Variants in PDE10A observed in about 807,000 individuals in gnomAD.
PDE10A encodes the protein cAMP and cAMP-inhibited cGMP 3',5'-cyclic phosphodiesterase 10A.
In PDE10A, 39 loss-of-function variants were observed where a neutral mutation model predicts 97.7. The observed-to-expected ratio is 0.40, with a 90% CI of 0.31 to 0.52. PDE10A has a LOEUF of 0.52. Among genes scored for constraint, PDE10A ranks in the 20% least tolerant of loss-of-function variants. The pLI, the probability that PDE10A is intolerant of heterozygous loss-of-function variation, is 0.56. For synonymous variants in PDE10A, 371 were observed against 376.8 expected, an observed-to-expected ratio of 0.98 and a Z score of 0.18; for missense variants, 731 against 1,047.8, an observed-to-expected ratio of 0.70 and a Z score of 4.17.
chr6:165,402,815 T>C lies in PDE10A; in HGVS notation c.2077-6356A>G, dbSNP rs1786771599. ...TACTCAACTGGCATACAAAAATATT[T>C]AATTAGTGATTATTTAGAATGTTGT... On this transcript the variant is annotated intron_variant, in intron 13 of 21. Transcript: ENST00000539869. 3.9e-5 allele frequency among the ~76,000 whole-genome samples: 6 copies of C among 152,330 alleles called. No individual in the cohort carries two copies. In the South Asian group the frequency reaches 1.2e-3, roughly 32 times the overall value.
chr6:165,365,295 A>T (rs1178897776), intron 18 of PDE10A, among the ~76,000 whole-genome samples: 5 of 152,206 alleles, frequency 3.3e-5, no homozygotes, highest in African/African-American at 7.2e-5. Flanking sequence ...GGCAAAAGAT[A>T]ATTTTGTAGC....
At chr6:165,830,052 C>A (rs1028511427) in intron 1 of PDE10A, among the ~76,000 whole-genome samples, 5 of 152,186 alleles carry the variant, frequency 3.3e-5, no homozygotes, top group Non-Finnish European at 7.3e-5. Context: ...TTCTGGAAAT[C>A]TTATTGAACA....
At chr6:165,497,004 G>C (rs1229972082) in intron 2 of PDE10A, among the ~76,000 whole-genome samples, 4 of 152,092 alleles carry the variant, frequency 2.6e-5, no homozygotes, top group Admixed American at 2.6e-4. Flanking sequence ...ACTTTGCAGA[G>C]TTACCAATGA....
chr6:165,702,614 G>C (rs575490873), intron 1 of PDE10A, among the ~76,000 whole-genome samples: 1 of 152,292 alleles, frequency 6.6e-6, no homozygotes, highest in South Asian at 2.1e-4. Flanking sequence ...CAGTGGCAGC[G>C]GGTGGCCCAC....
chr6:165,430,067 A>T (rs1789443827), intron 9 of PDE10A, among the ~76,000 whole-genome samples: 1 of 152,148 alleles, frequency 6.6e-6, no homozygotes, highest in Non-Finnish European at 1.5e-5. Context: ...ATGGAAAATT[A>T]ACATCATCAC....
intron 17 of PDE10A, among the ~76,000 whole-genome samples, chr6:165,384,650 GT>G: frequency 1.9e-5 from 1 of 53,638 alleles, no homozygotes; most frequent in South Asian, 4.8e-4. Flanking sequence ...GTGTGTGTGT[GT>G]GTGTGTGTGT....
chr6:165,471,904 G>A (rs374050484), intron 3 of PDE10A, among the ~76,000 whole-genome samples: 29 of 151,988 alleles, frequency 1.9e-4, no homozygotes, highest in East Asian at 5.8e-4. Context: ...TTTTGTTTGC[G>A]CTAATAAAAC....
chr6:165,866,321 G>GT (rs1781044109), intron 1 of PDE10A, among the ~76,000 whole-genome samples: 1 of 151,036 alleles, frequency 6.6e-6, no homozygotes, highest in Non-Finnish European at 1.5e-5. Flanking sequence ...CTAACTCAGT[G>GT]TTTTTTGACT....
At chr6:165,800,051 C>A (rs1419326564) in intron 1 of PDE10A, among the ~76,000 whole-genome samples, 1 of 152,224 alleles carries the variant, frequency 6.6e-6, no homozygotes, top group South Asian at 2.1e-4. Flanking sequence ...ACATTTCAGT[C>A]TCTCCTTGTT....
At chr6:165,619,821 C>T (rs903868834) in intron 1 of PDE10A, among the ~76,000 whole-genome samples, 4 of 151,912 alleles carry the variant, frequency 2.6e-5, no homozygotes, top group African/African-American at 7.3e-5. Context: ...AGGAATCAGA[C>T]AACCCCGGGC....
intron 20 of PDE10A, among the ~76,000 whole-genome samples, chr6:165,337,521 T>C (rs1781721644): frequency 6.6e-6 from 1 of 152,252 alleles, no homozygotes; most frequent in South Asian, 2.1e-4. Flanking sequence ...ACTTTCTTAT[T>C]CTAATATTTA....
intron 1 of PDE10A, among the ~76,000 whole-genome samples, chr6:165,649,131 C>A (rs902679739): frequency 6.6e-6 from 1 of 152,112 alleles, no homozygotes; most frequent in East Asian, 1.9e-4. Flanking sequence ...AGAGATCTCA[C>A]GAGGAGCTTG....
rs569037658 is a variant in PDE10A, at chr6:165,632,747, T to G, written c.865+29200A>C. On this transcript the variant is annotated intron_variant, in intron 1 of 21. Coordinates refer to ENST00000539869, the MANE Select transcript of PDE10A (RefSeq NM_001385079.1). ...ACCAGATCACAACAGACCAGTCGAA[T>G]CCAATACCTTTCATCACAAGTATGG... is the stretch of plus-strand genomic sequence containing the variant. Among the ~76,000 whole-genome samples the G allele has an allele frequency of 3.3e-4, 51 of 152,300 alleles. 1 individual carries two copies. The highest frequency in any genetic ancestry group is 1.1e-3 in the African/African-American group (46 of 41,580).
chr6:165,638,143 A>T (rs1346757459), intron 1 of PDE10A, among the ~76,000 whole-genome samples: 1 of 152,184 alleles, frequency 6.6e-6, no homozygotes, highest in Non-Finnish European at 1.5e-5. Flanking sequence ...TGCCTTTGTG[A>T]AATGCCTCAT....
rs891041344 is a variant in PDE10A, at chr6:165,330,720, T to G, written c.*2305A>C. 4 of 152,172 alleles carry G rather than the reference T, an allele frequency of 2.6e-5. No individual in the cohort carries two copies. The highest frequency in any genetic ancestry group is 2.0e-4 in the Admixed American group (3 of 15,274). The allele number at this position is 152,172 out of a possible 1,614,324, so 9.4% of individuals were successfully genotyped here. Reference sequence around the variant, plus strand: ...TAAAAATGTAAATGTAGCCATGAGATTCCTAACTCCATAATTATTTTCTAT... The same window carrying G: ...TAAAAATGTAAATGTAGCCATGAGAGTCCTAACTCCATAATTATTTTCTAT... On this transcript the variant is annotated 3_prime_UTR_variant, in exon 22 of 22. Transcript: ENST00000539869.
At chr6:165,724,927 G>A (rs4709972) in intron 1 of PDE10A, among the ~76,000 whole-genome samples, 89,069 of 152,036 alleles carry the variant, frequency 0.59, 26,366 homozygotes, top group South Asian at 0.71. Context: ...AGGGGGGCTC[G>A]CAAGTGCTGG....
At chr6:165,632,052 T>C (rs551930020) in intron 1 of PDE10A, among the ~76,000 whole-genome samples, 1 of 151,090 alleles carries the variant, frequency 6.6e-6, no homozygotes, top group Non-Finnish European at 1.5e-5. Context: ...TACAAAAAAT[T>C]AGCCAGGCAT....
chr6:165,670,339 T>C (rs1007773648), intron 1 of PDE10A, among the ~76,000 whole-genome samples: 16 of 152,150 alleles, frequency 1.1e-4, no homozygotes, highest in African/African-American at 3.9e-4. Flanking sequence ...TTCAGCAAAA[T>C]ACAGGAAACA....
intron 1 of PDE10A, among the ~76,000 whole-genome samples, chr6:165,905,682 A>G (rs1030434938): frequency 6.6e-6 from 1 of 152,074 alleles, no homozygotes; most frequent in Non-Finnish European, 1.5e-5. Context: ...AACTGAAAAA[A>G]AAACAACAGC....
Sources: allele counts gnomAD v4.1 joint callset (sites outside exome capture counted in the v4.1 genomes callset), GRCh38; gene constraint gnomAD v4.1.1; transcripts MANE v1.5; gene names NCBI Gene and HGNC (gene_info 2026-07-23, HGNC 2026-07-21).